Variants in BASP1 observed in about 807,000 individuals in gnomAD.
BASP1 encodes the protein brain acid soluble protein 1.
In BASP1, 1 loss-of-function variant was observed where a neutral mutation model predicts 2.2. The observed-to-expected ratio is 0.46, with a 90% CI of 0.16 to 2.17. The LOEUF (loss-of-function observed/expected upper bound fraction) is 2.17, where lower values mean the gene tolerates loss of function less well. Ranked by LOEUF, BASP1 falls within the 30% of genes most tolerant of loss-of-function variation. BASP1 has a pLI of 0.27. For missense variants in BASP1, 352 were observed against 327.2 expected, an observed-to-expected ratio of 1.08 and a Z score of -0.58; for synonymous variants, 187 against 154.2, an observed-to-expected ratio of 1.21 and a Z score of -1.58.
At chr5:17,241,879 G>A (rs1739869933) in intron 1 of BASP1, among the ~76,000 whole-genome samples, 1 of 152,160 alleles carries the variant, frequency 6.6e-6, no homozygotes, top group African/African-American at 2.4e-5. Context: ...GAGCTGGCAC[G>A]CAAACTCAGG....
intron 1 of BASP1, among the ~76,000 whole-genome samples, chr5:17,238,800 C>T (rs1381136852): frequency 6.6e-6 from 1 of 152,266 alleles, no homozygotes; most frequent in East Asian, 1.9e-4. Flanking sequence ...TGACTCCATG[C>T]GTTTTCAAAG....
chr5:17,259,781 T>C (rs944553173), intron 1 of BASP1, among the ~76,000 whole-genome samples: 5 of 152,224 alleles, frequency 3.3e-5, no homozygotes, highest in Non-Finnish European at 7.3e-5. Context: ...CCTGTCTTTG[T>C]CAGGTGGCCA....
chr5:17,243,799 G>A (rs1404750713), intron 1 of BASP1, among the ~76,000 whole-genome samples: 3 of 152,060 alleles, frequency 2.0e-5, no homozygotes, highest in Non-Finnish European at 4.4e-5. Context: ...CAGACCCTGG[G>A]TCTGTCTCCC....
chr5:17,252,822 T>G (rs1353590958), intron 1 of BASP1, among the ~76,000 whole-genome samples: 2 of 152,226 alleles, frequency 1.3e-5, no homozygotes, highest in African/African-American at 4.8e-5. Flanking sequence ...ACTGAGTCAC[T>G]AGTGAAGTAC....
rs181707313 is a variant in BASP1 at position 17,239,125 on chromosome 5, G to A, written c.-10+21315G>A. 1.5e-3 allele frequency among the ~76,000 whole-genome samples: 229 copies of A among 151,364 alleles called. 2 individuals are homozygous for A. The highest frequency in any genetic ancestry group is 5.3e-3 in the African/African-American group (218 of 41,198). ...TTTTTCTTTTTTGAGATGGAGTCTC[G>A]CTCTGTCACCCAGGCTGGAGTGCAG... On this transcript the variant is annotated intron_variant, in intron 1 of 1. Coordinates refer to ENST00000322611, the MANE Select transcript of BASP1 (RefSeq NM_006317.5).
chr5:17,223,929 C>T (rs1454995423), intron 1 of BASP1, among the ~76,000 whole-genome samples: 1 of 152,154 alleles, frequency 6.6e-6, no homozygotes, highest in East Asian at 1.9e-4. Flanking sequence ...CATCAGATGC[C>T]CACCGCCTCC....
intron 1 of BASP1, among the ~76,000 whole-genome samples, chr5:17,219,326 G>A (rs1739344350): frequency 6.6e-6 from 1 of 152,164 alleles, no homozygotes; most frequent in South Asian, 2.1e-4. Context: ...TAAATGTTGC[G>A]GGAAACCCTT....
intron 1 of BASP1, among the ~76,000 whole-genome samples, chr5:17,219,493 C>T (rs1739351100): frequency 6.6e-6 from 1 of 152,234 alleles, no homozygotes; most frequent in Non-Finnish European, 1.5e-5. Flanking sequence ...TGTACCCGCA[C>T]ACTGTTATTT....
At chr5:17,239,058 C>G (rs951244857) in intron 1 of BASP1, among the ~76,000 whole-genome samples, 3 of 152,046 alleles carry the variant, frequency 2.0e-5, no homozygotes, top group Non-Finnish European at 2.9e-5. Flanking sequence ...TGATATCAAT[C>G]AACACTTGAC....
At position 17,275,104 on chromosome 5, in the gene BASP1, A is replaced by C. The variant is rs537210792; in HGVS notation, c.-9-104A>C. On this transcript the variant is annotated intron_variant, in intron 1 of 1. Transcript: ENST00000322611. This position sits in a 1 kb window ranked among gnomAD's most constrained non-coding sequence, Gnocchi z 5.3. ...ACCATGCCACCCCTTTGGGGTGTGC[A>C]GTGCAGCAGGCCCAGAACCCCTTGC... 1 of 985,748 alleles carries C rather than the reference A, an allele frequency of 1.0e-6. No homozygotes were observed. Among genetic ancestry groups the C allele is most frequent in the East Asian group, 2.5e-5 (1 of 40,710 alleles). The allele number at this position is 985,748 out of a possible 1,614,324, so 61.1% of individuals were successfully genotyped here. A position where few individuals can be genotyped will look rare whatever the true frequency, so the allele number is the denominator to read the frequency against.
intron 1 of BASP1, among the ~76,000 whole-genome samples, chr5:17,219,895 C>T (rs181393581): frequency 3.9e-4 from 60 of 152,266 alleles, no homozygotes; most frequent in Non-Finnish European, 7.4e-4. Context: ...TGATTAGGTT[C>T]GCAATGATTC....
chr5:17,250,430 A>G (rs949499549), intron 1 of BASP1, among the ~76,000 whole-genome samples: 1 of 152,098 alleles, frequency 6.6e-6, no homozygotes, highest in Non-Finnish European at 1.5e-5. Flanking sequence ...TTTATTTTTT[A>G]CAGCATCAAT....
chr5:17,236,509 C>T lies in BASP1; in HGVS notation c.-10+18699C>T, dbSNP rs574763214. On this transcript the variant is annotated intron_variant, in intron 1 of 1. Coordinates refer to ENST00000322611, the MANE Select transcript of BASP1 (RefSeq NM_006317.5). This position sits in a 1 kb window ranked among gnomAD's most constrained non-coding sequence, Gnocchi z 4.0. ...CAAACTCCTGACCTTAGGTGATCCG[C>T]CTGCCTCTGCCTCCCAAAGTGCTGG... 6.6e-6 allele frequency among the ~76,000 whole-genome samples: 1 copy of T among 152,182 alleles called. No individual in the cohort carries two copies. Among genetic ancestry groups the T allele is most frequent in the Non-Finnish European group, 1.5e-5 (1 of 68,040 alleles).
intron 1 of BASP1, among the ~76,000 whole-genome samples, chr5:17,231,483 C>G (rs949753014): frequency 6.6e-6 from 1 of 152,162 alleles, no homozygotes; most frequent in Non-Finnish European, 1.5e-5. Flanking sequence ...AACACCGGCT[C>G]TCAGCATGTT....
At chr5:17,257,153 G>A (rs115468613) in intron 1 of BASP1, among the ~76,000 whole-genome samples, 86 of 152,286 alleles carry the variant, frequency 5.6e-4, no homozygotes, top group African/African-American at 2.0e-3. Flanking sequence ...ACTGGATGCA[G>A]GCATTTGTAT....
intron 1 of BASP1, among the ~76,000 whole-genome samples, chr5:17,231,944 T>A (rs1438588547): frequency 6.6e-6 from 1 of 152,236 alleles, no homozygotes; most frequent in Non-Finnish European, 1.5e-5. Context: ...CTTTGGCAGC[T>A]GAGATGACTT....
intron 1 of BASP1, among the ~76,000 whole-genome samples, chr5:17,220,654 GA>G (rs1436850201): frequency 2.6e-5 from 4 of 152,128 alleles, no homozygotes; most frequent in Admixed American, 2.6e-4. Flanking sequence ...ACGTGTAGAA[GA>G]GAACCTTATC....
chr5:17,223,514 G>A (rs533276680), intron 1 of BASP1, among the ~76,000 whole-genome samples: 7 of 152,118 alleles, frequency 4.6e-5, no homozygotes, highest in Non-Finnish European at 5.9e-5. Context: ...AGAAGTCTGC[G>A]GTTTAGAAAA....
At chr5:17,245,635 A>T (rs937118435) in intron 1 of BASP1, among the ~76,000 whole-genome samples, 4 of 152,108 alleles carry the variant, frequency 2.6e-5, no homozygotes, top group African/African-American at 9.7e-5. Flanking sequence ...GGCTCTGTGT[A>T]GAAAGTTACT....
Sources: allele counts gnomAD v4.1 joint callset (sites outside exome capture counted in the v4.1 genomes callset), GRCh38; gene constraint gnomAD v4.1.1; non-coding constraint Gnocchi (gnomAD v3.1); transcripts MANE v1.5; gene names NCBI Gene and HGNC (gene_info 2026-07-23, HGNC 2026-07-21).